The following LMCD1 variants were observed in gnomAD, a reference collection of about 807,000 sequenced individuals.
LMCD1 encodes the protein LIM and cysteine rich domains 1.
Under a neutral mutation model 42.7 loss-of-function variants are expected in LMCD1, and 32 were observed. That is an observed-to-expected ratio of 0.75 (90% CI 0.57 to 1.01). The LOEUF (loss-of-function observed/expected upper bound fraction) is 1.01. Among genes scored for constraint, LMCD1 ranks in the 50% least tolerant of loss-of-function variants. The pLI, the probability that LMCD1 is intolerant of heterozygous loss-of-function variation, is 0.00. For synonymous variants in LMCD1, 178 were observed against 184.9 expected (o/e 0.96, Z 0.30); for missense variants, 458 against 483.1 (o/e 0.95, Z 0.49).
chr3:8,511,717 A>T (rs907906806), intron 1 of LMCD1, among the ~76,000 whole-genome samples: 1 of 152,204 alleles, frequency 6.6e-6, no homozygotes, highest in Non-Finnish European at 1.5e-5. Flanking sequence ...CTGTGGAGAA[A>T]TACATTCCAC....
At chr3:8,536,157 G>C (rs60747995) in intron 2 of LMCD1, among the ~76,000 whole-genome samples, 3,257 of 152,274 alleles carry the variant, frequency 0.021, 131 homozygotes, top group African/African-American at 0.075. Context: ...CAGCTGCAGT[G>C]ACCTCCCTTG....
intron 2 of LMCD1, among the ~76,000 whole-genome samples, chr3:8,534,039 G>A (rs1360968190): frequency 6.6e-6 from 1 of 151,420 alleles, no homozygotes; most frequent in Non-Finnish European, 1.5e-5. Context: ...ACTATATTTT[G>A]GCCATTTGAG....
chr3:8,561,344 A>T (rs1223832250), intron 4 of LMCD1, among the ~76,000 whole-genome samples: 1 of 151,992 alleles, frequency 6.6e-6, no homozygotes, highest in East Asian at 1.9e-4. Context: ...TGGGTTTTTT[A>T]AATGAAATTC....
chr3:8,566,159 G>T (rs1038510981), intron 5 of LMCD1, among the ~76,000 whole-genome samples: 2 of 152,152 alleles, frequency 1.3e-5, no homozygotes, highest in East Asian at 1.9e-4. Flanking sequence ...TTAGTCTTAC[G>T]ATAATATACT....
intron 4 of LMCD1, among the ~76,000 whole-genome samples, chr3:8,560,527 C>T (rs971892767): frequency 3.3e-5 from 5 of 152,166 alleles, no homozygotes; most frequent in Non-Finnish European, 7.3e-5. Context: ...CATGGTGTTA[C>T]CCAATGGGGT....
In LMCD1 at chr3:8,565,426, T is replaced by G. The variant is rs113768584; in HGVS notation, c.724-6T>G. 2.3e-5 allele frequency: 37 copies of G among 1,612,804 alleles called. 1 individual carries two copies. In the African/African-American group the frequency reaches 3.9e-4, roughly 17 times the overall value. On this transcript the variant is annotated splice_polypyrimidine_tract_variant and splice_region_variant and intron_variant, in intron 4 of 5. Coordinates refer to ENST00000157600, the MANE Select transcript of LMCD1 (RefSeq NM_014583.4). ...TGTCTCCTATGGTCCTTCCCCATCC[T>G]TCCAGGTCTGCGAGCTCTGCAAGGG...
intron 3 of LMCD1, among the ~76,000 whole-genome samples, chr3:8,538,339 A>C (rs1391287966): frequency 1.3e-5 from 2 of 152,202 alleles, no homozygotes; most frequent in African/African-American, 4.8e-5. Flanking sequence ...CCAGAACCTT[A>C]CATGTGGAGT....
chr3:8,522,288 A>G (rs1694221751), intron 1 of LMCD1, among the ~76,000 whole-genome samples: 1 of 152,172 alleles, frequency 6.6e-6, no homozygotes, highest in Non-Finnish European at 1.5e-5. Context: ...ACAAGTGATT[A>G]CAAGCTCAGC....
In LMCD1 at chr3:8,537,182, C is replaced by T. The variant is rs753355762; in HGVS notation, c.132-3C>T. The T allele has an allele frequency of 8.7e-6, 14 of 1,612,978 alleles. No individual in the cohort carries two copies. The highest frequency in any genetic ancestry group is 6.8e-6 in the Non-Finnish European group (8 of 1,179,172). ...TCACTGGTCCCCATCCACCCACCCC[C>T]AGGAAAATATGCAAGTCTTGCAAAT... On this transcript the variant is annotated splice_region_variant and splice_polypyrimidine_tract_variant and intron_variant, in intron 2 of 5. Coordinates refer to ENST00000157600, the MANE Select transcript of LMCD1 (RefSeq NM_014583.4).
chr3:8,573,833 C>T lies in LMCD1; in HGVS notation c.*6235C>T, dbSNP rs1695258197. The T allele has an allele frequency of 6.6e-6, 1 of 151,156 alleles. No homozygotes were observed. Among genetic ancestry groups the T allele is most frequent in the South Asian group, 2.1e-4 (1 of 4,782 alleles). The allele number at this position is 151,156 out of a possible 1,614,324, so 9.4% of individuals were successfully genotyped here. On this transcript the variant is annotated 3_prime_UTR_variant, in exon 6 of 6. Coordinates refer to ENST00000157600, the MANE Select transcript of LMCD1 (RefSeq NM_014583.4). ...CAGAAGCAATATTATTCAGGTCTTC[C>T]TTGTTGCAAGTGAGGGAAATCCAAT... is the stretch of plus-strand genomic sequence containing the variant.
intron 1 of LMCD1, among the ~76,000 whole-genome samples, chr3:8,511,567 C>A (rs1014614712): frequency 6.6e-6 from 1 of 152,148 alleles, no homozygotes; most frequent in African/African-American, 2.4e-5. Flanking sequence ...AAAGAGGGGA[C>A]ATTTGAGCTG....
Position 8,568,798 on chromosome 3 carries a change from G to T in LMCD1, c.*1200G>T, listed in dbSNP as rs1245155917. On this transcript the variant is annotated 3_prime_UTR_variant, in exon 6 of 6. Transcript: ENST00000157600. ...ACATATTTTTCTACTGGGAGTATAA[G>T]GATGAAAAAGACACAAGTCCTAGGA... 1.3e-5 allele frequency: 2 copies of T among 152,128 alleles called. No homozygotes were observed. The highest frequency in any genetic ancestry group is 1.3e-4 in the Admixed American group (2 of 15,268). 9.4% of individuals were successfully genotyped at this position (152,128 alleles called of 1,614,324 possible). A position where few individuals can be genotyped will look rare whatever the true frequency, so the allele number is the denominator to read the frequency against.
intron 1 of LMCD1, among the ~76,000 whole-genome samples, chr3:8,502,312 A>ATATATAT (rs1559342085): frequency 5.1e-5 from 1 of 19,684 alleles, no homozygotes; most frequent in Non-Finnish European, 7.5e-5. Context: ...ATAATATATA[A>ATATATAT]AATATATATT....
intron 1 of LMCD1, among the ~76,000 whole-genome samples, chr3:8,505,088 G>A (rs1407477923): frequency 6.6e-6 from 1 of 152,216 alleles, no homozygotes; most frequent in East Asian, 1.9e-4. Context: ...CAGCATATGG[G>A]CACTCAGAGT....
At position 8,501,948 on chromosome 3, in the gene LMCD1, G is replaced by C. The variant is rs1693732486; in HGVS notation, c.10G>C (p.Val4Leu). Residue 4 changes from valine (V) to leucine (L), a missense_variant, in exon 1 of 6, where the codon GTG (valine) becomes CTG (leucine). Transcript: ENST00000157600. MAK[V>L]AKDLNPGVKK... is the part of the protein sequence containing the mutation. ...CCCACCCCAGAAGAGGATGGCAAAGGTGGCTAAGGACCTCAACCCAGGAGT... is the reference window on the plus strand; with the variant it reads ...CCCACCCCAGAAGAGGATGGCAAAGCTGGCTAAGGACCTCAACCCAGGAGT... 6.3e-7 allele frequency: 1 copy of C among 1,594,736 alleles called. No individual in the cohort carries two copies. The highest frequency in any genetic ancestry group is 8.5e-7 in the Non-Finnish European group (1 of 1,171,872).
In LMCD1 at chr3:8,573,876, TA is replaced by T. The variant is rs5846604; in HGVS notation, c.*6292del. ...AATCCAATTAAAACTGGTTTAAACC[TA>T]AAAAAAAAAAAAAGAAGAAAAGAAA... On this transcript the variant is annotated 3_prime_UTR_variant, in exon 6 of 6. Coordinates refer to ENST00000157600, the MANE Select transcript of LMCD1 (RefSeq NM_014583.4). 0.42 allele frequency: 57,912 copies of T among 137,956 alleles called. 11,158 individuals carry two copies. The highest frequency in any genetic ancestry group is 0.52 in the Middle Eastern group (142 of 272). 8.5% of individuals were successfully genotyped at this position (137,956 alleles called of 1,614,324 possible).
At position 8,501,899 on chromosome 3, in the gene LMCD1, G is replaced by A. The variant is rs1388037572; in HGVS notation, c.-40G>A. 1.9e-6 allele frequency: 3 copies of A among 1,575,986 alleles called. No homozygotes were observed. Among genetic ancestry groups the A allele is most frequent in the East Asian group, 2.5e-5 (1 of 40,578 alleles). Reference sequence around the variant, plus strand: ...CCCCGCTGCGCGCCCTCGCGCCTCTGCCTGAGAAGCCAGGCGCTGTTCCCC... The same window carrying A: ...CCCCGCTGCGCGCCCTCGCGCCTCTACCTGAGAAGCCAGGCGCTGTTCCCC... On this transcript the variant is annotated 5_prime_UTR_variant, in exon 1 of 6. Coordinates refer to ENST00000157600, the MANE Select transcript of LMCD1 (RefSeq NM_014583.4).
At chr3:8,518,885 C>G (rs1288042502) in intron 1 of LMCD1, among the ~76,000 whole-genome samples, 1 of 152,082 alleles carries the variant, frequency 6.6e-6, no homozygotes. Context: ...AACCAGGGTG[C>G]CTCTCTTTCC....
At chr3:8,525,322 A>G (rs1338072458) in intron 1 of LMCD1, among the ~76,000 whole-genome samples, 15 of 152,214 alleles carry the variant, frequency 9.9e-5, no homozygotes, top group Admixed American at 7.2e-4. Flanking sequence ...TTCACGTAGC[A>G]TAATGTCCTT....
Sources: gnomAD v4.1 joint callset for allele counts (sites outside exome capture counted in the v4.1 genomes callset) on GRCh38, gnomAD v4.1.1 for gene constraint, MANE v1.5 for transcripts, NCBI Gene and HGNC (gene_info 2026-07-23, HGNC 2026-07-21) for gene names.